ITGBL1: variants seen among roughly 807,000 people sequenced by gnomAD.
The protein encoded by ITGBL1 is integrin subunit beta like 1.
ITGBL1 carries 51 observed loss-of-function variants against 68.5 expected under a neutral mutation model. The ratio of observed to expected loss-of-function variants is 0.74; its 90% CI spans 0.59 to 0.94. The LOEUF (loss-of-function observed/expected upper bound fraction) is 0.94, where lower values mean the gene tolerates loss of function less well. Ranked by LOEUF, ITGBL1 falls within the 40% of genes least tolerant of loss-of-function variation. The pLI is 0.00. For synonymous variants in ITGBL1, 209 were observed against 227.3 expected (o/e 0.92, Z 0.72); for missense variants, 649 against 647.4 (o/e 1.00, Z -0.03).
chr13:101,702,655 G>A (rs2034162905), intron 8 of ITGBL1, among the ~76,000 whole-genome samples: 1 of 152,140 alleles, frequency 6.6e-6, no homozygotes, highest in East Asian at 1.9e-4. Context: ...TTTCAGTTGT[G>A]TCAAATTGTG....
At chr13:101,491,841 T>C (rs2048783121) in intron 2 of ITGBL1, among the ~76,000 whole-genome samples, 1 of 152,194 alleles carries the variant, frequency 6.6e-6, no homozygotes, top group Non-Finnish European at 1.5e-5. Flanking sequence ...ATGTTCTCAT[T>C]GTTCAACTCC....
Position 101,715,818 on chromosome 13 carries a change from GT to G in ITGBL1, c.*166del, listed in dbSNP as rs2034696621. The G allele has an allele frequency of 2.1e-6, 1 of 483,576 alleles. No individual in the cohort carries two copies. Among genetic ancestry groups the G allele is most frequent in the East Asian group, 3.2e-5 (1 of 31,386 alleles). The allele number at this position is 483,576 out of a possible 1,614,324, so 30.0% of individuals were successfully genotyped here. ...AAATCCGAGTACCTATTAGAAATGA[GT>G]TATGCAAATTTAGATGCAAATAACA... On this transcript the variant is annotated 3_prime_UTR_variant, in exon 11 of 11. Transcript: ENST00000376180.
rs141763493 is a variant in ITGBL1, at chr13:101,488,733, G to A, written c.316+34633G>A. Among the ~76,000 whole-genome samples the A allele has an allele frequency of 1.9e-3, 293 of 152,140 alleles. 1 individual carries two copies. The highest frequency in any genetic ancestry group is 6.5e-3 in the African/African-American group (268 of 41,494). On this transcript the variant is annotated intron_variant, in intron 2 of 10. Coordinates refer to ENST00000376180, the MANE Select transcript of ITGBL1 (RefSeq NM_004791.3). ...GTTCTGACAACAGCAATAATTTTGC[G>A]TCTTCCTCATGGAATTTTTTGTTTA...
At chr13:101,598,362 A>C in intron 7 of ITGBL1, 63 bp downstream of exon 7, 1 of 1,237,152 alleles carries the variant, frequency 8.1e-7, no homozygotes, top group Non-Finnish European at 1.1e-6. Context: ...AATTCAATGC[A>C]CACACATCTT....
intron 7 of ITGBL1, among the ~76,000 whole-genome samples, chr13:101,624,684 G>A (rs929684841): frequency 6.6e-6 from 1 of 152,162 alleles, no homozygotes; most frequent in Non-Finnish European, 1.5e-5. Context: ...CCCAGCATCA[G>A]GGATTTCCTC....
intron 2 of ITGBL1, among the ~76,000 whole-genome samples, chr13:101,563,501 A>G (rs573129725): frequency 2.4e-4 from 36 of 151,920 alleles, no homozygotes; most frequent in Admixed American, 1.3e-3. Context: ...AAAAGATAGT[A>G]AGCTTATGAT....
At chr13:101,623,963 A>G (rs994105596) in intron 7 of ITGBL1, among the ~76,000 whole-genome samples, 1 of 152,222 alleles carries the variant, frequency 6.6e-6, no homozygotes, top group Non-Finnish European at 1.5e-5. Context: ...TAAGCATTCC[A>G]TTAGACTGGC....
chr13:101,680,692 G>T (rs1380255191), intron 7 of ITGBL1, among the ~76,000 whole-genome samples: 1 of 152,066 alleles, frequency 6.6e-6, no homozygotes. Context: ...GCCCTGTACT[G>T]TGTAGTTTGT....
At chr13:101,584,128 C>G (rs2050511246) in intron 6 of ITGBL1, among the ~76,000 whole-genome samples, 1 of 152,160 alleles carries the variant, frequency 6.6e-6, no homozygotes, top group South Asian at 2.1e-4. Context: ...ATTCAAAAAT[C>G]TTTGACTGTA....
At chr13:101,560,446 A>G (rs2050080937) in intron 2 of ITGBL1, among the ~76,000 whole-genome samples, 1 of 152,170 alleles carries the variant, frequency 6.6e-6, no homozygotes, top group South Asian at 2.1e-4. Context: ...ATGCACAGAG[A>G]GAATAAATTT....
At chr13:101,481,056 A>G (rs1007211891) in intron 2 of ITGBL1, among the ~76,000 whole-genome samples, 2 of 105,816 alleles carry the variant, frequency 1.9e-5, no homozygotes, top group Non-Finnish European at 3.8e-5. Flanking sequence ...ATGTGTAACT[A>G]TATACACACA....
intron 7 of ITGBL1, among the ~76,000 whole-genome samples, chr13:101,615,332 C>T (rs561978645): frequency 2.0e-5 from 3 of 152,256 alleles, no homozygotes; most frequent in African/African-American, 4.8e-5. Flanking sequence ...AATGAGGTGA[C>T]ACCCTGGGGT....
At chr13:101,608,610 T>C (rs2030985315) in intron 7 of ITGBL1, among the ~76,000 whole-genome samples, 1 of 152,104 alleles carries the variant, frequency 6.6e-6, no homozygotes, top group African/African-American at 2.4e-5. Context: ...AGTTTGCTGC[T>C]GCAGGAAATG....
intron 2 of ITGBL1, among the ~76,000 whole-genome samples, chr13:101,512,204 T>C (rs542026959): frequency 1.1e-4 from 17 of 152,096 alleles, no homozygotes; most frequent in Non-Finnish European, 2.5e-4. Flanking sequence ...ATCTGATCTC[T>C]TCTTCTGCAT....
chr13:101,631,582 A>G (rs975270889), intron 7 of ITGBL1, among the ~76,000 whole-genome samples: 2 of 152,174 alleles, frequency 1.3e-5, no homozygotes, highest in Non-Finnish European at 2.9e-5. Flanking sequence ...AGGGATTACT[A>G]AAAGATGTCA....
At chr13:101,672,411 T>C (rs2033399952) in intron 7 of ITGBL1, among the ~76,000 whole-genome samples, 1 of 152,234 alleles carries the variant, frequency 6.6e-6, no homozygotes, top group African/African-American at 2.4e-5. Flanking sequence ...AAGAGCAGCC[T>C]ATTGCTGGCA....
At chr13:101,531,083 A>G (rs1014227361) in intron 2 of ITGBL1, among the ~76,000 whole-genome samples, 9 of 152,206 alleles carry the variant, frequency 5.9e-5, no homozygotes, top group Admixed American at 4.6e-4. Context: ...GGCATACAGG[A>G]TAAACTTTCA....
At chr13:101,678,387 T>C (rs1231491965) in intron 7 of ITGBL1, among the ~76,000 whole-genome samples, 1 of 152,250 alleles carries the variant, frequency 6.6e-6, no homozygotes, top group Admixed American at 6.5e-5. Flanking sequence ...ATTTTTCTAT[T>C]GATTTTGTTG....
intron 7 of ITGBL1, among the ~76,000 whole-genome samples, chr13:101,690,770 A>C (rs1267456867): frequency 6.6e-6 from 1 of 152,190 alleles, no homozygotes; most frequent in Non-Finnish European, 1.5e-5. Flanking sequence ...CTATTAAATA[A>C]ATTGAAGGAA....
Sources: gnomAD v4.1 joint callset for allele counts (sites outside exome capture counted in the v4.1 genomes callset) on GRCh38, gnomAD v4.1.1 for gene constraint, MANE v1.5 for transcripts, NCBI Gene and HGNC (gene_info 2026-07-23, HGNC 2026-07-21) for gene names.